Variants in DSCAM observed in about 807,000 individuals in gnomAD.
The protein encoded by DSCAM is cell adhesion molecule DSCAM.
In DSCAM, 47 loss-of-function variants were observed where a neutral mutation model predicts 217.7. That is an observed-to-expected ratio of 0.22 (90% confidence interval 0.17 to 0.28). The LOEUF (loss-of-function observed/expected upper bound fraction) is 0.28. DSCAM is among the 10% of genes least tolerant of loss of function. The pLI is 1.00. For missense variants in DSCAM, 2,080 were observed against 2,618.3 expected, an observed-to-expected ratio of 0.79 and a Z score of 4.49; for synonymous variants, 1,056 against 1,015.3, an observed-to-expected ratio of 1.04 and a Z score of -0.76.
intron 4 of DSCAM, among the ~76,000 whole-genome samples, chr21:40,363,252 C>CT (rs35756323): frequency 0.64 from 74,239 of 116,070 alleles, 24,607 homozygotes; most frequent in African/African-American, 0.71. Flanking sequence ...TTTTTGTGTT[C>CT]TTTTTTTTTT....
intron 1 of DSCAM, among the ~76,000 whole-genome samples, chr21:40,826,885 G>T (rs1388029804): frequency 2.6e-5 from 4 of 152,124 alleles, no homozygotes; most frequent in African/African-American, 7.2e-5. Flanking sequence ...GCTCAGAGAA[G>T]AAATCATGGA....
chr21:40,584,305 G>C (rs968196969), intron 3 of DSCAM, among the ~76,000 whole-genome samples: 1 of 152,150 alleles, frequency 6.6e-6, no homozygotes, highest in African/African-American at 2.4e-5. Context: ...AAGCCTAGGT[G>C]ATAAATGAAT....
intron 9 of DSCAM, among the ~76,000 whole-genome samples, chr21:40,298,377 G>A (rs771518936): frequency 7.2e-5 from 11 of 152,092 alleles, no homozygotes; most frequent in Middle Eastern, 3.4e-3. Context: ...CACTGCGCAC[G>A]GCCTGACATA....
chr21:40,116,520 G>T (rs951612543), intron 20 of DSCAM, among the ~76,000 whole-genome samples: 5 of 152,080 alleles, frequency 3.3e-5, no homozygotes, highest in Admixed American at 3.3e-4. Context: ...GGATGCTGGG[G>T]CTACAGTAAT....
intron 28 of DSCAM, 64 bp from the exon 29 acceptor site, chr21:40,055,904 C>A: frequency 8.4e-7 from 1 of 1,187,832 alleles, no homozygotes; most frequent in Non-Finnish European, 1.3e-6. Flanking sequence ...TACCAACATG[C>A]ACCTGTATAC....
At chr21:40,294,529 C>T (rs998758705) in intron 10 of DSCAM, among the ~76,000 whole-genome samples, 1 of 152,108 alleles carries the variant, frequency 6.6e-6, no homozygotes, top group African/African-American at 2.4e-5. Context: ...ATGGCTGGTG[C>T]CTTTTCACTT....
intron 3 of DSCAM, among the ~76,000 whole-genome samples, chr21:40,607,547 G>T (rs2089257252): frequency 6.6e-6 from 1 of 151,876 alleles, no homozygotes; most frequent in Non-Finnish European, 1.5e-5. Context: ...ATCGTGAATT[G>T]TACTGCCATA....
At chr21:40,369,917 C>T (rs1266019679) in intron 3 of DSCAM, among the ~76,000 whole-genome samples, 2 of 152,050 alleles carry the variant, frequency 1.3e-5, no homozygotes, top group Non-Finnish European at 2.9e-5. Context: ...CTGTTCAAAT[C>T]ACTAACAATA....
intron 3 of DSCAM, among the ~76,000 whole-genome samples, chr21:40,407,358 C>G (rs930454156): frequency 1.3e-5 from 2 of 152,186 alleles, no homozygotes; most frequent in Non-Finnish European, 2.9e-5. Context: ...ATGTCAACAA[C>G]CCATTTGTGA....
In DSCAM at chr21:40,628,697, CTATCTATCTATCT is replaced by C. The variant is rs2089637658; in HGVS notation, c.508+64100_508+64112del. ...GGTCCATGGTATAAGCACTTGCTAT[CTATCTATCTATCT>C]ATCTATCTATCTATCTATCTATCTA... On this transcript the variant is annotated intron_variant, in intron 3 of 32. Transcript: ENST00000400454. Among the ~76,000 whole-genome samples the C allele has an allele frequency of 0.013, 8 of 604 alleles. No individual in the cohort carries two copies. The South Asian group carries it at 0.32, about 24-fold the overall frequency. 0.4% of individuals were successfully genotyped at this position (604 alleles called of 152,430 possible). A position where few individuals can be genotyped will look rare whatever the true frequency, so the allele number is the denominator to read the frequency against.
At chr21:40,464,319 G>C (rs1402649846) in intron 3 of DSCAM, among the ~76,000 whole-genome samples, 1 of 152,156 alleles carries the variant, frequency 6.6e-6, no homozygotes, top group African/African-American at 2.4e-5. Flanking sequence ...AGATTGACAA[G>C]AAACAATAAA....
intron 9 of DSCAM, among the ~76,000 whole-genome samples, chr21:40,301,661 C>T (rs1048979632): frequency 4.4e-5 from 5 of 113,358 alleles, no homozygotes; most frequent in African/African-American, 1.1e-4. Flanking sequence ...GCTGTGCATG[C>T]TATGAGAACA....
At chr21:40,137,551 A>G (rs2146699694) in intron 18 of DSCAM, among the ~76,000 whole-genome samples, 1 of 151,416 alleles carries the variant, frequency 6.6e-6, no homozygotes, top group East Asian at 1.9e-4. Context: ...TTTAAACATG[A>G]GTTTCTACAG....
chr21:40,452,804 G>A (rs1388155892), intron 3 of DSCAM, among the ~76,000 whole-genome samples: 1 of 152,056 alleles, frequency 6.6e-6, no homozygotes, highest in Non-Finnish European at 1.5e-5. Context: ...AAGAAGATGT[G>A]ATCTAGGATT....
chr21:40,691,666 A>G (rs890763292), intron 3 of DSCAM, among the ~76,000 whole-genome samples: 2 of 152,256 alleles, frequency 1.3e-5, no homozygotes, highest in African/African-American at 4.8e-5. Context: ...AATTATGATA[A>G]TTAATCAACA....
intron 7 of DSCAM, among the ~76,000 whole-genome samples, chr21:40,338,777 A>G (rs764707873): frequency 1.3e-5 from 2 of 152,230 alleles, no homozygotes; most frequent in African/African-American, 2.4e-5. Flanking sequence ...ACGTTGCAGC[A>G]TGAATGTAAG....
intron 1 of DSCAM, among the ~76,000 whole-genome samples, chr21:40,717,565 G>T (rs112442990): frequency 0.071 from 10,856 of 152,188 alleles, 423 homozygotes; most frequent in African/African-American, 0.11. Flanking sequence ...GCCACAAAAG[G>T]CCACATACTG....
intron 3 of DSCAM, among the ~76,000 whole-genome samples, chr21:40,558,082 T>C (rs564628844): frequency 6.6e-6 from 1 of 152,310 alleles, no homozygotes; most frequent in Admixed American, 6.5e-5. Flanking sequence ...TATCCAAGGA[T>C]CATCGGTAAA....
At chr21:40,613,372 G>A (rs1053404472) in intron 3 of DSCAM, among the ~76,000 whole-genome samples, 1 of 152,006 alleles carries the variant, frequency 6.6e-6, no homozygotes, top group Non-Finnish European at 1.5e-5. Flanking sequence ...AAATACATAT[G>A]GAATGCTGTT....
Sources: allele counts gnomAD v4.1 joint callset (sites outside exome capture counted in the v4.1 genomes callset), GRCh38; gene constraint gnomAD v4.1.1; transcripts MANE v1.5; gene names NCBI Gene and HGNC (gene_info 2026-07-23, HGNC 2026-07-21).